The following AKIRIN1 variants were observed in gnomAD, a reference collection of about 807,000 sequenced individuals.
AKIRIN1 encodes the protein akirin 1.
AKIRIN1 carries 4 observed loss-of-function variants against 25.9 expected under a neutral mutation model. The ratio of observed to expected loss-of-function variants is 0.15; its 90% CI spans 0.08 to 0.35. AKIRIN1 has a LOEUF of 0.35. Among genes scored for constraint, AKIRIN1 ranks in the 10% least tolerant of loss-of-function variants. The probability of loss-of-function intolerance (pLI) is 1.00; values close to 1 mark genes in which losing one functional copy is unlikely to be tolerated. For missense variants in AKIRIN1, 243 were observed against 266.1 expected, an observed-to-expected ratio of 0.91 and a Z score of 0.61; for synonymous variants, 125 against 105.1, an observed-to-expected ratio of 1.19 and a Z score of -1.16.
intron 2 of AKIRIN1, among the ~76,000 whole-genome samples, chr1:38,999,655 C>T (rs994612512): frequency 4.6e-5 from 7 of 151,930 alleles, no homozygotes; most frequent in Non-Finnish European, 4.4e-5. Flanking sequence ...GTTAACAAAA[C>T]AGTTACAAAT....
intron 4 of AKIRIN1, 113 bp downstream of exon 4, chr1:39,003,531 C>A: frequency 1.1e-6 from 1 of 952,118 alleles, no homozygotes. Flanking sequence ...GTGCCCAGCA[C>A]TATGCTAAGA....
At chr1:38,995,886 T>C (rs1643944821) in intron 1 of AKIRIN1, among the ~76,000 whole-genome samples, 1 of 151,948 alleles carries the variant, frequency 6.6e-6, no homozygotes, top group Admixed American at 6.6e-5. Context: ...TACAAAAAAT[T>C]AGGTGGGTGT....
chr1:39,002,817 C>A (rs1261774390), intron 3 of AKIRIN1, among the ~76,000 whole-genome samples: 1 of 152,134 alleles, frequency 6.6e-6, no homozygotes, highest in Non-Finnish European at 1.5e-5. Context: ...TGAGTCACTT[C>A]TTTGTTCACA....
chr1:38,997,444 A>G (rs1156475560), intron 1 of AKIRIN1, among the ~76,000 whole-genome samples: 1 of 152,212 alleles, frequency 6.6e-6, no homozygotes, highest in Non-Finnish European at 1.5e-5. Flanking sequence ...TCCTTGGTCG[A>G]TGTCCACACT....
intron 1 of AKIRIN1, among the ~76,000 whole-genome samples, chr1:38,995,516 TTTC>T (rs1220165720): frequency 1.3e-5 from 2 of 152,230 alleles, no homozygotes; most frequent in Non-Finnish European, 2.9e-5. Flanking sequence ...CATGTCTAAC[TTTC>T]TTATTTTTCT....
intron 3 of AKIRIN1, among the ~76,000 whole-genome samples, chr1:39,002,558 GTC>G (rs1644001970): frequency 6.6e-6 from 1 of 152,002 alleles, no homozygotes; most frequent in Non-Finnish European, 1.5e-5. Context: ...GTGAAACCCC[GTC>G]TCTACTAAAA....
At chr1:38,993,861 G>T (rs942361941) in intron 1 of AKIRIN1, among the ~76,000 whole-genome samples, 1 of 151,862 alleles carries the variant, frequency 6.6e-6, no homozygotes, top group African/African-American at 2.4e-5. Context: ...ACCTGAGGTC[G>T]GGAGTTCAAG....
At chr1:38,994,098 C>T (rs944895456) in intron 1 of AKIRIN1, among the ~76,000 whole-genome samples, 1 of 151,536 alleles carries the variant, frequency 6.6e-6, no homozygotes, top group Non-Finnish European at 1.5e-5. Flanking sequence ...AAAAAATTAG[C>T]TGGGCAATTT....
Position 39,005,427 on chromosome 1 carries a change from A to G in AKIRIN1, c.*1372A>G, listed in dbSNP as rs761113062. 2.0e-5 allele frequency: 3 copies of G among 152,074 alleles called. No homozygotes were observed. The highest frequency in any genetic ancestry group is 1.3e-4 in the Admixed American group (2 of 15,270). The allele number at this position is 152,074 out of a possible 1,614,324, so 9.4% of individuals were successfully genotyped here. A position where few individuals can be genotyped will look rare whatever the true frequency, so the allele number is the denominator to read the frequency against. On this transcript the variant is annotated 3_prime_UTR_variant, in exon 5 of 5. Transcript: ENST00000432648. ...GGCAACCCCCTGCCCGAAGTCGCAT[A>G]TAGGCTGTTCTTCACCTTGTTTCCA... is the stretch of plus-strand genomic sequence containing the variant.
rs760595133 is a variant in AKIRIN1 at position 38,991,496 on chromosome 1, G to C, written c.116G>C (p.Arg39Thr). The change falls in exon 1 of 5, where the codon AGG becomes ACG. Residue 39 changes from arginine (R) to threonine (T), a missense_variant. By Grantham distance (71) the Arg-to-Thr change is moderately conservative. This residue lies in a region of AKIRIN1 where 190 missense variants were observed against 174.4 expected (regional missense o/e 1.09). Coordinates refer to ENST00000432648, the MANE Select transcript of AKIRIN1 (RefSeq NM_024595.3). ...CTGCCCGGCCCCACTCCGGGCCTCA[G>C]GCCCCCGGACGCCGAGCCGCCGCCG... is the stretch of plus-strand genomic sequence containing the variant. ...APLPGPTPGL[R>T]PPDAEPPPPF... The C allele has an allele frequency of 7.6e-6, 11 of 1,449,890 alleles. No individual in the cohort carries two copies. The Admixed American group carries it at 1.7e-4, about 23-fold the overall frequency. The allele number at this position is 1,449,890 out of a possible 1,614,324, so 89.8% of individuals were successfully genotyped here. A position where few individuals can be genotyped will look rare whatever the true frequency, so the allele number is the denominator to read the frequency against.
chr1:39,000,345 CTTTTTTTTTTT>C (rs3078308), intron 2 of AKIRIN1, among the ~76,000 whole-genome samples: 1 of 128,316 alleles, frequency 7.8e-6, no homozygotes, highest in Non-Finnish European at 1.6e-5. Context: ...TTTTCTTTTT[CTTTTTTTTTTT>C]TTTTTTGAGT....
intron 1 of AKIRIN1, among the ~76,000 whole-genome samples, chr1:38,995,306 C>T (rs1372552439): frequency 6.6e-6 from 1 of 152,142 alleles, no homozygotes; most frequent in Non-Finnish European, 1.5e-5. Flanking sequence ...TATTGACTGC[C>T]ATGTTCAAGA....
chr1:38,992,719 C>T (rs1464692022), intron 1 of AKIRIN1, among the ~76,000 whole-genome samples: 1 of 152,158 alleles, frequency 6.6e-6, no homozygotes, highest in Non-Finnish European at 1.5e-5. Context: ...TGAACTGTGA[C>T]CATATCTTAC....
chr1:38,992,509 AC>A (rs1643914046), intron 1 of AKIRIN1, among the ~76,000 whole-genome samples: 1 of 152,172 alleles, frequency 6.6e-6, no homozygotes, highest in Non-Finnish European at 1.5e-5. Flanking sequence ...CCTTAGGCTC[AC>A]CGTAAAATCA....
At chr1:38,997,567 T>G (rs1643956518) in intron 1 of AKIRIN1, among the ~76,000 whole-genome samples, 1 of 152,166 alleles carries the variant, frequency 6.6e-6, no homozygotes, top group Admixed American at 6.6e-5. Context: ...TTTTGCTGTG[T>G]TGTTCAGGCT....
At chr1:38,994,557 G>A (rs1643932578) in intron 1 of AKIRIN1, among the ~76,000 whole-genome samples, 1 of 152,072 alleles carries the variant, frequency 6.6e-6, no homozygotes, top group Non-Finnish European at 1.5e-5. Flanking sequence ...CCAGGCTGGA[G>A]TGTAGTGGCA....
At chr1:38,994,418 A>G (rs976533693) in intron 1 of AKIRIN1, among the ~76,000 whole-genome samples, 10 of 152,208 alleles carry the variant, frequency 6.6e-5, no homozygotes, top group Admixed American at 1.3e-4. Context: ...CGCAGGAAAT[A>G]TTTGTAAACG....
Position 38,991,442 on chromosome 1 carries a change from G to A in AKIRIN1, c.62G>A (p.Gly21Asp). The A allele has an allele frequency of 7.3e-7, 1 of 1,370,506 alleles. No individual in the cohort carries two copies. The highest frequency in any genetic ancestry group is 1.7e-5 in the South Asian group (1 of 60,246). The allele number at this position is 1,370,506 out of a possible 1,614,324, so 84.9% of individuals were successfully genotyped here. The change falls in exon 1 of 5, where the codon GGC becomes GAC. Residue 21 changes from glycine to aspartate, a missense_variant. Physicochemically the swap from Gly to Asp is moderately conservative, Grantham distance 94. This residue lies in a region of AKIRIN1 where 28 missense variants were observed against 46.4 expected (regional missense o/e 0.60). Coordinates refer to ENST00000432648, the MANE Select transcript of AKIRIN1 (RefSeq NM_024595.3). ...TTCGAGGCGGCGCTGCTGAGCCCCG[G>A]CTCCCCGAAGCGGCGGCGCTGCGCC... ...MEFEAALLSP[G>D]SPKRRRCAPL... is the part of the protein sequence containing the mutation.
chr1:39,004,173 C>T lies in AKIRIN1; in HGVS notation c.*118C>T, dbSNP rs1468988178. 7 of 1,136,378 alleles carry T rather than the reference C, an allele frequency of 6.2e-6. No homozygotes were observed. The highest frequency in any genetic ancestry group is 2.3e-5 in the East Asian group (1 of 42,704). 70.4% of individuals were successfully genotyped at this position (1,136,378 alleles called of 1,614,324 possible). A position where few individuals can be genotyped will look rare whatever the true frequency, so the allele number is the denominator to read the frequency against. ...ACTTTGCATCCTGAGAACACTTAAACGTTTCTGCAGGTCCATTTTATACAA... is the reference window on the plus strand; with the variant it reads ...ACTTTGCATCCTGAGAACACTTAAATGTTTCTGCAGGTCCATTTTATACAA... On this transcript the variant is annotated 3_prime_UTR_variant, in exon 5 of 5. Coordinates refer to ENST00000432648, the MANE Select transcript of AKIRIN1 (RefSeq NM_024595.3).
Sources: allele counts gnomAD v4.1 joint callset (sites outside exome capture counted in the v4.1 genomes callset), GRCh38; gene constraint gnomAD v4.1.1; regional missense constraint gnomAD v4.1.1; transcripts MANE v1.5; gene names NCBI Gene and HGNC (gene_info 2026-07-23, HGNC 2026-07-21).